The following ACAD11 variants were observed in gnomAD, a reference collection of about 807,000 sequenced individuals.
The protein encoded by ACAD11 is acyl-Coenzyme A dehydrogenase family, member 11.
Under a neutral mutation model 102.2 loss-of-function variants are expected in ACAD11, and 83 were observed. The observed-to-expected ratio is 0.81, with a 90% CI of 0.68 to 0.97. ACAD11 has a LOEUF of 0.97. Ranked by LOEUF, ACAD11 falls within the 50% of genes least tolerant of loss-of-function variation. ACAD11 has a pLI of 0.00. For synonymous variants in ACAD11, 324 were observed against 319.8 expected, an observed-to-expected ratio of 1.01 and a Z score of -0.14; for missense variants, 901 against 951.7, an observed-to-expected ratio of 0.95 and a Z score of 0.70.
At position 132,579,503 on chromosome 3, in the gene ACAD11, A is replaced by C; in HGVS notation, c.1677T>G (p.Thr559=). Residue 559 remains threonine (T), a synonymous_variant, in exon 14 of 20, where the codon ACT becomes ACG. Coordinates refer to ENST00000264990, the MANE Select transcript of ACAD11 (RefSeq NM_032169.5). ...IAIVLGRTQN[T]SLSRHKQHSM... is the part of the protein sequence containing the mutation. ...AATTGTTTAATTACCTGGAGAGAGA[A>C]GTATTTTGAGTTCTTCCCAAAACAA... 6.2e-7 allele frequency: 1 copy of C among 1,612,870 alleles called. No homozygotes were observed.
At chr3:132,568,157 G>T (rs1012228430) in intron 17 of ACAD11, among the ~76,000 whole-genome samples, 2 of 152,126 alleles carry the variant, frequency 1.3e-5, no homozygotes, top group Non-Finnish European at 2.9e-5. Flanking sequence ...AACCCAGGAG[G>T]CGGAGACCGC....
chr3:132,625,322 C>A (rs1939770754), intron 9 of ACAD11, among the ~76,000 whole-genome samples: 1 of 152,100 alleles, frequency 6.6e-6, no homozygotes, highest in African/African-American at 2.4e-5. Flanking sequence ...TCTGATATGT[C>A]CCTCTTCTGT....
At chr3:132,598,518 A>G (rs1938415153) in intron 13 of ACAD11, among the ~76,000 whole-genome samples, 1 of 152,232 alleles carries the variant, frequency 6.6e-6, no homozygotes, top group Non-Finnish European at 1.5e-5. Context: ...CTAGAGGAAC[A>G]AGGTAGTATG....
intron 13 of ACAD11, among the ~76,000 whole-genome samples, chr3:132,592,697 A>G (rs1938130077): frequency 6.6e-6 from 1 of 152,222 alleles, no homozygotes; most frequent in Non-Finnish European, 1.5e-5. Flanking sequence ...TCTTCTACCA[A>G]CATAGAATTT....
intron 4 of ACAD11, among the ~76,000 whole-genome samples, chr3:132,641,603 G>GA (rs1559973782): frequency 4.6e-4 from 65 of 140,684 alleles, no homozygotes; most frequent in Non-Finnish European, 5.1e-4. Flanking sequence ...AGAAGAAGAA[G>GA]AGGAGGAAGA....
At chr3:132,652,591 G>C (rs1200856440) in intron 1 of ACAD11, among the ~76,000 whole-genome samples, 2 of 151,714 alleles carry the variant, frequency 1.3e-5, no homozygotes, top group African/African-American at 4.9e-5. Flanking sequence ...TGATATAACT[G>C]GCCATAGCTG....
chr3:132,603,334 A>G lies in ACAD11; in HGVS notation c.1523-7T>C, dbSNP rs768477591. The G allele has an allele frequency of 1.2e-6, 2 of 1,613,062 alleles. No homozygotes were observed. Among genetic ancestry groups the G allele is most frequent in the Non-Finnish European group, 1.7e-6 (2 of 1,179,188 alleles). On this transcript the variant is annotated splice_region_variant and splice_polypyrimidine_tract_variant and intron_variant, in intron 12 of 19. Coordinates refer to ENST00000264990, the MANE Select transcript of ACAD11 (RefSeq NM_032169.5). ...CTTGAAGCTACATCAGGTTCTATAA[A>G]TAAACAAAAGCTGAATTTACAGGCA... is the stretch of plus-strand genomic sequence containing the variant.
intron 9 of ACAD11, among the ~76,000 whole-genome samples, chr3:132,620,078 G>A (rs938187096): frequency 1.2e-4 from 18 of 152,162 alleles, no homozygotes; most frequent in African/African-American, 4.1e-4. Context: ...CATGGCAAGA[G>A]GGAGGATCAA....
At chr3:132,616,648 A>C (rs1012803157) in intron 11 of ACAD11, among the ~76,000 whole-genome samples, 1 of 152,214 alleles carries the variant, frequency 6.6e-6, no homozygotes, top group South Asian at 2.1e-4. Flanking sequence ...TTGGGTCACA[A>C]TATAAAATAT....
chr3:132,609,966 G>A (rs960835931), intron 11 of ACAD11, among the ~76,000 whole-genome samples: 1 of 152,120 alleles, frequency 6.6e-6, no homozygotes, highest in Non-Finnish European at 1.5e-5. Context: ...ATGCAAGGCT[G>A]GTTCAACATA....
chr3:132,609,601 T>G (rs1939022937), intron 11 of ACAD11, among the ~76,000 whole-genome samples: 1 of 152,138 alleles, frequency 6.6e-6, no homozygotes, highest in South Asian at 2.1e-4. Context: ...AATCCCTGAA[T>G]AGACCAATAA....
At chr3:132,643,154 C>T (rs561343602) in intron 2 of ACAD11, among the ~76,000 whole-genome samples, 2 of 152,306 alleles carry the variant, frequency 1.3e-5, no homozygotes, top group South Asian at 4.2e-4. Context: ...TGGCTGGCTG[C>T]TCGCTCTTTC....
chr3:132,579,472 A>G lies in ACAD11; in HGVS notation c.1688+20T>C. On this transcript the variant is annotated intron_variant, in intron 14 of 19. Coordinates refer to ENST00000264990, the MANE Select transcript of ACAD11 (RefSeq NM_032169.5). ...TGGCTCATTCCTACACAGGTTTCTCAATCAGAATTGTTTAATTACCTGGAG... is the reference window on the plus strand; with the variant it reads ...TGGCTCATTCCTACACAGGTTTCTCGATCAGAATTGTTTAATTACCTGGAG... 6.2e-7 allele frequency: 1 copy of G among 1,602,166 alleles called. No homozygotes were observed. Among genetic ancestry groups the G allele is most frequent in the Non-Finnish European group, 8.5e-7 (1 of 1,170,682 alleles).
chr3:132,602,261 C>T (rs1216159579), intron 13 of ACAD11: 1 of 166,196 alleles, frequency 6.0e-6, no homozygotes. Context: ...TTCCTAAAGA[C>T]ATAATTTGCT....
chr3:132,615,957 A>G (rs1201745610), intron 11 of ACAD11, among the ~76,000 whole-genome samples: 3 of 152,168 alleles, frequency 2.0e-5, no homozygotes, highest in Admixed American at 1.3e-4. Flanking sequence ...TATGTTTCCC[A>G]TATGTTTTAT....
chr3:132,577,691 A>G (rs955269041), intron 15 of ACAD11, among the ~76,000 whole-genome samples: 2 of 152,104 alleles, frequency 1.3e-5, no homozygotes, highest in Non-Finnish European at 2.9e-5. Context: ...TGCTAACTCT[A>G]CACCCTTTTC....
At chr3:132,607,428 A>T (rs1174621817) in intron 11 of ACAD11, among the ~76,000 whole-genome samples, 1 of 152,198 alleles carries the variant, frequency 6.6e-6, no homozygotes, top group Non-Finnish European at 1.5e-5. Context: ...AGAAGACCAT[A>T]AATGACCTGA....
chr3:132,624,476 GC>G (rs1248701442), intron 9 of ACAD11, among the ~76,000 whole-genome samples: 1 of 150,884 alleles, frequency 6.6e-6, no homozygotes, highest in African/African-American at 2.4e-5. Context: ...TTGGTGGCAG[GC>G]ACCTGTAGTC....
intron 1 of ACAD11, among the ~76,000 whole-genome samples, chr3:132,646,125 C>T (rs1325019291): frequency 8.5e-5 from 13 of 152,096 alleles, no homozygotes; most frequent in African/African-American, 1.9e-4. Flanking sequence ...TACAGGCGCC[C>T]GCCACCGCAC....
Sources: allele counts gnomAD v4.1 joint callset (sites outside exome capture counted in the v4.1 genomes callset), GRCh38; gene constraint gnomAD v4.1.1; transcripts MANE v1.5; gene names NCBI Gene and HGNC (gene_info 2026-07-23, HGNC 2026-07-21).